The following PCDH15 variants were observed in gnomAD, a reference collection of about 807,000 sequenced individuals.
The protein encoded by PCDH15 is protocadherin related 15.
PCDH15 carries 129 observed loss-of-function variants against 178.5 expected under a neutral mutation model. That is an observed-to-expected ratio of 0.72 (90% CI 0.63 to 0.84). The LOEUF is 0.84. Among genes scored for constraint, PCDH15 ranks in the 40% least tolerant of loss-of-function variants. The probability of loss-of-function intolerance (pLI) is 0.00; values close to 1 mark genes in which losing one functional copy is unlikely to be tolerated. For synonymous variants in PCDH15, 800 were observed against 732.0 expected, an observed-to-expected ratio of 1.09 and a Z score of -1.50; for missense variants, 2,230 against 2,099.9, an observed-to-expected ratio of 1.06 and a Z score of -1.21.
At chr10:55,496,593 A>T (rs907322729) in intron 2 of PCDH15, among the ~76,000 whole-genome samples, 2 of 151,992 alleles carry the variant, frequency 1.3e-5, no homozygotes, top group Middle Eastern at 3.4e-3. Flanking sequence ...GTGAGGAGGG[A>T]AATACAAACC....
chr10:55,431,825 G>A (rs1044248242), intron 2 of PCDH15, among the ~76,000 whole-genome samples: 1 of 151,926 alleles, frequency 6.6e-6, no homozygotes, highest in African/African-American at 2.4e-5. Context: ...AGCCCATATA[G>A]ATTAGTAAAG....
At chr10:55,482,827 T>C (rs887140389) in intron 2 of PCDH15, among the ~76,000 whole-genome samples, 1 of 151,814 alleles carries the variant, frequency 6.6e-6, no homozygotes, top group Admixed American at 6.6e-5. Context: ...AGTATCTTAC[T>C]GGGGTTCTCT....
chr10:55,626,294 T>G (rs1384627356), intron 2 of PCDH15, among the ~76,000 whole-genome samples: 3 of 152,206 alleles, frequency 2.0e-5, no homozygotes, highest in Non-Finnish European at 4.4e-5. Context: ...GTAATGTTAG[T>G]AAGGCCAGAT....
intron 1 of PCDH15, among the ~76,000 whole-genome samples, chr10:54,679,627 G>A (rs966837038): frequency 1.3e-5 from 2 of 152,086 alleles, no homozygotes; most frequent in Non-Finnish European, 2.9e-5. Flanking sequence ...CATTCTGAAT[G>A]GAGCTTTCTT....
chr10:54,697,672 AGG>A (rs1555156410), intron 1 of PCDH15, among the ~76,000 whole-genome samples: 1 of 83,558 alleles, frequency 1.2e-5, no homozygotes. Context: ...GGAAGGGGGA[AGG>A]GGAAGGGAGG....
chr10:55,091,635 T>C (rs953459909), intron 2 of PCDH15, among the ~76,000 whole-genome samples: 2 of 151,912 alleles, frequency 1.3e-5, no homozygotes, highest in Non-Finnish European at 2.9e-5. Flanking sequence ...AAGGTAACTA[T>C]CATTTAAATA....
At chr10:55,262,086 G>GGA (rs1842159595) in intron 1 of PCDH15, among the ~76,000 whole-genome samples, 4 of 84,846 alleles carry the variant, frequency 4.7e-5, no homozygotes, top group African/African-American at 1.3e-4. Context: ...GGAAAGGAAA[G>GGA]GAGGAGAGGA....
In PCDH15 at chr10:54,185,263, T is replaced by G. The variant is rs2048386851; in HGVS notation, c.1311A>C (p.Lys437Asn). The G allele has an allele frequency of 6.2e-7, 1 of 1,613,564 alleles. No homozygotes were observed. The highest frequency in any genetic ancestry group is 1.7e-5 in the Admixed American group (1 of 59,994). ...VALDKDIEDTKDPELHLFLND... is the reference protein window; with the variant it reads ...VALDKDIEDTNDPELHLFLND... ...TCAGAAAAAGGTGAAGCTCTGGGTCTTTTGTCTTTGAAAAAAAATGACATC... is the reference window on the plus strand; with the variant it reads ...TCAGAAAAAGGTGAAGCTCTGGGTCGTTTGTCTTTGAAAAAAAATGACATC... The change falls in exon 12 of 38, where the codon AAA (lysine) becomes AAC (asparagine). Residue 437 changes from lysine to asparagine, a missense_variant. Lys to Asn is a moderately conservative substitution (Grantham distance 94). Coordinates refer to ENST00000644397, the MANE Select transcript of PCDH15 (RefSeq NM_001384140.1).
intron 3 of PCDH15, among the ~76,000 whole-genome samples, chr10:54,512,471 A>G (rs2081795453): frequency 6.6e-6 from 1 of 151,656 alleles, no homozygotes; most frequent in African/African-American, 2.4e-5. Flanking sequence ...GCTATCCTAC[A>G]AAAATGGCAT....
chr10:54,622,692 T>TTATATATA (rs1258871183), intron 2 of PCDH15, among the ~76,000 whole-genome samples: 1 of 87,390 alleles, frequency 1.1e-5, no homozygotes, highest in Non-Finnish European at 2.0e-5. Context: ...TATTATATAA[T>TTATATATA]ATATATTTTC....
At chr10:54,180,848 T>G (rs1564618957) in intron 13 of PCDH15, among the ~76,000 whole-genome samples, 1 of 152,186 alleles carries the variant, frequency 6.6e-6, no homozygotes, top group Non-Finnish European at 1.5e-5. Flanking sequence ...CAAACAACAG[T>G]CTATCTTCAT....
chr10:53,813,642 A>C (rs2075957541), intron 35 of PCDH15, among the ~76,000 whole-genome samples: 1 of 152,218 alleles, frequency 6.6e-6, no homozygotes, highest in African/African-American at 2.4e-5. Flanking sequence ...CACTTGTGAG[A>C]AAACACATTA....
chr10:55,056,846 C>T (rs1329483746), intron 2 of PCDH15, among the ~76,000 whole-genome samples: 1 of 151,842 alleles, frequency 6.6e-6, no homozygotes, highest in Non-Finnish European at 1.5e-5. Flanking sequence ...ATTGCACAGG[C>T]TGGTCTCAAA....
intron 15 of PCDH15, among the ~76,000 whole-genome samples, chr10:54,090,569 G>T (rs151095037): frequency 6.6e-6 from 1 of 151,198 alleles, no homozygotes; most frequent in African/African-American, 2.4e-5. Flanking sequence ...GCTTGAACCC[G>T]GGAGGCAGAT....
At chr10:54,352,816 A>G (rs1944382725) in intron 5 of PCDH15, among the ~76,000 whole-genome samples, 1 of 152,164 alleles carries the variant, frequency 6.6e-6, no homozygotes, top group South Asian at 2.1e-4. Context: ...TGTACAAATT[A>G]TCATTACTAG....
intron 17 of PCDH15, among the ~76,000 whole-genome samples, chr10:54,070,883 T>G (rs2094228216): frequency 6.6e-6 from 1 of 152,176 alleles, no homozygotes; most frequent in South Asian, 2.1e-4. Context: ...TGAGCCGCGA[T>G]ATCCAGCTCA....
chr10:55,532,698 T>C (rs1004260145), intron 2 of PCDH15, among the ~76,000 whole-genome samples: 1 of 152,064 alleles, frequency 6.6e-6, no homozygotes, highest in Non-Finnish European at 1.5e-5. Context: ...AGTTAAATGC[T>C]ATAGTCTTTG....
At chr10:54,059,335 G>C (rs1388286961) in intron 18 of PCDH15, among the ~76,000 whole-genome samples, 1 of 151,990 alleles carries the variant, frequency 6.6e-6, no homozygotes, top group African/African-American at 2.4e-5. Context: ...TCTACTGTTG[G>C]GAGTATGCAC....
chr10:54,981,220 AATCT>A (rs927147035), intron 2 of PCDH15, among the ~76,000 whole-genome samples: 2 of 152,134 alleles, frequency 1.3e-5, no homozygotes, highest in African/African-American at 4.8e-5. Context: ...CAGTAGGTGA[AATCT>A]CCAGCTTCCT....
Sources: gnomAD v4.1 joint callset for allele counts (sites outside exome capture counted in the v4.1 genomes callset) on GRCh38, gnomAD v4.1.1 for gene constraint, MANE v1.5 for transcripts, NCBI Gene and HGNC (gene_info 2026-07-23, HGNC 2026-07-21) for gene names.